The following DUS3L variants were observed in gnomAD, a reference collection of about 807,000 sequenced individuals.
DUS3L encodes the protein tRNA-dihydrouridine(47) synthase [NAD(P)(+)]-like.
DUS3L carries 62 observed loss-of-function variants against 74.6 expected under a neutral mutation model. That is an observed-to-expected ratio of 0.83 (90% CI 0.68 to 1.03). DUS3L has a LOEUF of 1.03. Among genes scored for constraint, DUS3L ranks in the 50% least tolerant of loss-of-function variants. DUS3L has a pLI of 0.00. For missense variants in DUS3L, 884 were observed against 924.4 expected (o/e 0.96, Z 0.57); for synonymous variants, 433 against 395.7 (o/e 1.09, Z -1.12).
intron 10 of DUS3L, 22 bp from the exon 11 acceptor site, chr19:5,785,813 G>A: frequency 1.3e-6 from 2 of 1,555,142 alleles, no homozygotes; most frequent in East Asian, 2.3e-5. Context: ...GTGACGATCA[G>A]TGGGCCCAGC....
At position 5,789,212 on chromosome 19, in the gene DUS3L, T is replaced by C; in HGVS notation, c.895A>G (p.Lys299Glu). Residue 299 changes from lysine (K) to glutamate (E), a missense_variant, in exon 3 of 13, where the codon AAG becomes GAG. Lys to Glu is a moderately conservative substitution (Grantham distance 56). Transcript: ENST00000309061. The part of the protein sequence containing the change: ...DVVRLRPCEK[K>E]RLDIRGKLYL... Reference sequence around the variant, plus strand: ...ACGTTGTCCTCAACACGTACCCGCTTCTTCTCACAGGGCCGCAGCCTGACC... The same window carrying C: ...ACGTTGTCCTCAACACGTACCCGCTCCTTCTCACAGGGCCGCAGCCTGACC... The C allele has an allele frequency of 6.5e-7, 1 of 1,533,884 alleles. No individual in the cohort carries two copies. The highest frequency in any genetic ancestry group is 8.7e-7 in the Non-Finnish European group (1 of 1,143,966).
chr19:5,789,896 G>A, intron 2 of DUS3L, 151 bp downstream of exon 2: 1 of 1,305,556 alleles, frequency 7.7e-7, no homozygotes. Context: ...GCCCTACAAT[G>A]TATCCCGAGG....
intron 2 of DUS3L, 80 bp downstream of exon 2, chr19:5,789,967 T>G (rs1032910263): frequency 1.2e-4 from 187 of 1,572,038 alleles, no homozygotes; most frequent in Non-Finnish European, 1.5e-4. Context: ...GCCCAGGAGC[T>G]TTCTAACAAT....
At position 5,789,281 on chromosome 19, in the gene DUS3L, T is replaced by C; in HGVS notation, c.826A>G (p.Ser276Gly). Residue 276 changes from serine to glycine, a missense_variant, in exon 3 of 13, where the codon AGC becomes GGC. Physicochemically the swap from Ser to Gly is moderately conservative, Grantham distance 56. Transcript: ENST00000309061. ...PAGPGTSTPP[S>G]SPVRTCGPLT... Reference sequence around the variant, plus strand: ...GGCCCGCAGGTCCGCACGGGGCTGCTGGGAGGGGTGCTAGTGCCCGGCCCT... The same window carrying C: ...GGCCCGCAGGTCCGCACGGGGCTGCCGGGAGGGGTGCTAGTGCCCGGCCCT... The C allele has an allele frequency of 6.3e-7, 1 of 1,595,684 alleles. No individual in the cohort carries two copies. Among genetic ancestry groups the C allele is most frequent in the East Asian group, 2.2e-5 (1 of 44,560 alleles).
intron 9 of DUS3L, 28 bp downstream of exon 9, chr19:5,786,721 G>A (rs541558543): frequency 6.2e-7 from 1 of 1,606,196 alleles, no homozygotes; most frequent in Non-Finnish European, 8.5e-7. Context: ...TGGTAGGGGA[G>A]AGGGAGGTGG....
chr19:5,786,013 G>T, intron 10 of DUS3L: 1 of 556,114 alleles, frequency 1.8e-6, no homozygotes, highest in Non-Finnish European at 3.1e-6. Context: ...GCAGTGGTAA[G>T]ATCTCGGCTC....
chr19:5,787,970 A>G, intron 5 of DUS3L, 54 bp downstream of exon 5: 2 of 1,597,698 alleles, frequency 1.3e-6, no homozygotes, highest in South Asian at 2.2e-5. Flanking sequence ...CCTGGCTCTG[A>G]GACAGGACGG....
In DUS3L at chr19:5,790,204, A is replaced by C. The variant is rs778705657; in HGVS notation, c.230T>G (p.Leu77Arg). ...CCCGTCCGCCGTCTGTCCATCCTCC[A>C]GTCGGATCCGCTTAGCCTCAGGCTC... ...LAEPEAKRIR[L>R]EDGQTADGQT... The change falls in exon 2 of 13, where the codon CTG becomes CGG. Residue 77 changes from leucine (L) to arginine (R), a missense_variant. Transcript: ENST00000309061. The C allele has an allele frequency of 2.5e-6, 4 of 1,613,978 alleles. No homozygotes were observed. The African/African-American group carries it at 4.0e-5, about 16-fold the overall frequency.
rs773281714 is a variant in DUS3L at position 5,787,142 on chromosome 19, G to C, written c.1308C>G (p.Ile436Met). 7.9e-6 allele frequency: 8 copies of C among 1,008,992 alleles called. No individual in the cohort carries two copies. The South Asian group carries it at 1.7e-4, about 22-fold the overall frequency. The allele number at this position is 1,008,992 out of a possible 1,614,324, so 62.5% of individuals were successfully genotyped here. Residue 436 changes from isoleucine to methionine, a missense_variant, in exon 8 of 13, where the codon ATC (isoleucine) becomes ATG (methionine). Coordinates refer to ENST00000309061, the MANE Select transcript of DUS3L (RefSeq NM_020175.3). ...TCACACGCTCCTGGACGCCTGTGCG[G>C]ATCTTCACAGTCAGCGGCACATCCA... ...QVLDVPLTVK[I>M]RTGVQERVNL...
chr19:5,785,877 G>A (rs976164233), intron 10 of DUS3L, 86 bp from the exon 11 acceptor site: 14 of 1,413,606 alleles, frequency 9.9e-6, no homozygotes, highest in African/African-American at 1.4e-5. Flanking sequence ...GGCCTGAGCC[G>A]GAGCCCAGAC....
intron 2 of DUS3L, 77 bp downstream of exon 2, chr19:5,789,967 TTTC>T (rs1383810676): frequency 6.4e-7 from 1 of 1,572,038 alleles, no homozygotes; most frequent in Admixed American, 1.8e-5. Flanking sequence ...GCCCAGGAGC[TTTC>T]TAACAATTAC....
At chr19:5,790,512 T>G (rs1407320245) in intron 1 of DUS3L, among the ~76,000 whole-genome samples, 177 bp from the exon 2 acceptor site, 1 of 152,080 alleles carries the variant, frequency 6.6e-6, no homozygotes, top group Non-Finnish European at 1.5e-5. Context: ...ACCTATTTTG[T>G]CCCTGGGTCC....
intron 4 of DUS3L, 83 bp downstream of exon 4, chr19:5,788,274 T>C: frequency 6.2e-7 from 1 of 1,606,384 alleles, no homozygotes; most frequent in South Asian, 1.1e-5. Context: ...CACAATCCAG[T>C]AGGTGGGGAC....
At chr19:5,789,970 C>G in intron 2 of DUS3L, 77 bp downstream of exon 2, 1 of 1,577,616 alleles carries the variant, frequency 6.3e-7, no homozygotes, top group Non-Finnish European at 8.6e-7. Context: ...CAGGAGCTTT[C>G]TAACAATTAC....
intron 12 of DUS3L, 52 bp downstream of exon 12, chr19:5,785,331 C>T (rs574197642): frequency 8.2e-5 from 132 of 1,608,650 alleles, no homozygotes; most frequent in South Asian, 1.1e-4. Context: ...AAGTACCCTC[C>T]GTGACCCCGG....
intron 5 of DUS3L, 152 bp from the exon 6 acceptor site, chr19:5,787,857 G>A (rs907209248): frequency 2.1e-6 from 3 of 1,432,062 alleles, no homozygotes; most frequent in African/African-American, 2.8e-5. Context: ...CGAGGCACCG[G>A]TCCCCGGCCA....
intron 2 of DUS3L, 130 bp downstream of exon 2, chr19:5,789,917 C>T (rs1175343122): frequency 3.3e-5 from 45 of 1,358,088 alleles, no homozygotes; most frequent in Non-Finnish European, 4.2e-5. Flanking sequence ...AGAATGAAGA[C>T]GGAATGGCAT....
intron 5 of DUS3L, 100 bp from the exon 6 acceptor site, chr19:5,787,805 T>G: frequency 1.4e-6 from 2 of 1,476,102 alleles, no homozygotes; most frequent in Admixed American, 1.7e-5. Flanking sequence ...GCCAGTGGCC[T>G]CCTCTCTCGG....
At position 5,790,044 on chromosome 19, in the gene DUS3L, T is replaced by TG; in HGVS notation, c.387+2dup. 6.2e-7 allele frequency: 1 copy of TG among 1,611,812 alleles called. No homozygotes were observed. ...GCAGGAATGCTCACGTGGCCGCACTTGCCTGGATTAGGGAGGGACACAGCC... is the reference window on the plus strand; with the variant it reads ...GCAGGAATGCTCACGTGGCCGCACTTGGCCTGGATTAGGGAGGGACACAGCC... On this transcript the variant is annotated splice_region_variant and intron_variant, in intron 2 of 12. Transcript: ENST00000309061.
Sources: gnomAD v4.1 joint callset for allele counts (sites outside exome capture counted in the v4.1 genomes callset) on GRCh38, gnomAD v4.1.1 for gene constraint, MANE v1.5 for transcripts, NCBI Gene and HGNC (gene_info 2026-07-23, HGNC 2026-07-21) for gene names.